AMPD3: variants seen among roughly 807,000 people sequenced by gnomAD.
AMPD3 encodes the protein adenosine monophosphate deaminase 3.
A neutral mutation model predicts 82.3 loss-of-function variants in AMPD3; 57 were observed. That is an observed-to-expected ratio of 0.69 (90% CI 0.56 to 0.86). AMPD3 has a LOEUF of 0.86. Among genes scored for constraint, AMPD3 ranks in the 40% least tolerant of loss-of-function variants. The probability of loss-of-function intolerance (pLI) is 0.00; values close to 1 mark genes in which losing one functional copy is unlikely to be tolerated. For missense variants in AMPD3, 870 were observed against 1,003.8 expected (o/e 0.87, Z 1.80); for synonymous variants, 381 against 394.7 (o/e 0.97, Z 0.41).
rs1849548845 is a variant in AMPD3, at chr11:10,500,556, C to T, written c.1721+307C>T. On this transcript the variant is annotated intron_variant, in intron 11 of 14. Coordinates refer to ENST00000396553, the MANE Select transcript of AMPD3 (RefSeq NM_001025389.2). ...GTGTCCACACATTTATATGTACACA[C>T]ACCAGGGCACACTCCACGTGTACCT... is the stretch of plus-strand genomic sequence containing the variant. 7.3e-6 allele frequency: 7 copies of T among 963,282 alleles called. No homozygotes were observed. In the South Asian group the frequency reaches 2.9e-4, roughly 40 times the overall value. The allele number at this position is 963,282 out of a possible 1,614,324, so 59.7% of individuals were successfully genotyped here.
At position 10,496,152 on chromosome 11, in the gene AMPD3, T is replaced by C. The variant is rs1849393486; in HGVS notation, c.1430+419T>C. 3.5e-6 allele frequency: 3 copies of C among 863,958 alleles called. No individual in the cohort carries two copies. In the African/African-American group the frequency reaches 5.5e-5, roughly 16 times the overall value. The allele number at this position is 863,958 out of a possible 1,614,324, so 53.5% of individuals were successfully genotyped here. On this transcript the variant is annotated intron_variant, in intron 9 of 14. Transcript: ENST00000396553. Reference sequence around the variant, plus strand: ...GGCTGGTCTTGAACTCCTGACCTCGTGATCCACCTGCCTCAGCCTCCCAAA... The same window carrying C: ...GGCTGGTCTTGAACTCCTGACCTCGCGATCCACCTGCCTCAGCCTCCCAAA...
upstream of AMPD3, among the ~76,000 whole-genome samples, chr11:10,454,902 C>A (rs1454598414): frequency 6.6e-6 from 1 of 152,260 alleles, no homozygotes; most frequent in East Asian, 1.9e-4. Flanking sequence ...TGCTTGTAGC[C>A]TGCTGGTTGC....
Position 10,505,751 on chromosome 11 carries a change from C to G in AMPD3, c.2171C>G (p.Pro724Arg). The part of the protein sequence containing the change: ...FLGQNYYKEG[P>R]EGNDIRKTNV... Reference sequence around the variant, plus strand: ...GGACAAAATTATTATAAAGAAGGACCTGAAGGAAATGATATTCGAAAGACA... The same window carrying G: ...GGACAAAATTATTATAAAGAAGGACGTGAAGGAAATGATATTCGAAAGACA... The change falls in exon 15 of 15, where the codon CCT becomes CGT. Residue 724 changes from proline to arginine, a missense_variant. Transcript: ENST00000396553. 1 of 1,614,108 alleles carries G rather than the reference C, an allele frequency of 6.2e-7. No homozygotes were observed.
rs374025716 is a variant in AMPD3, at chr11:10,482,271, G to A, written c.589+46G>A. 1.6e-4 allele frequency: 259 copies of A among 1,601,236 alleles called. 1 individual carries two copies. The highest frequency in any genetic ancestry group is 4.5e-4 in the Middle Eastern group (2 of 4,440). ...GTTGGGTCCCAAGTGTGGGCAGACC[G>A]AGAGCTAGTCAGGGCTTTTTTCTGG... is the stretch of plus-strand genomic sequence containing the variant. On this transcript the variant is annotated intron_variant, in intron 4 of 14. Coordinates refer to ENST00000396553, the MANE Select transcript of AMPD3 (RefSeq NM_001025389.2).
chr11:10,479,918 G>C (rs1029530334), intron 3 of AMPD3: 1 of 985,450 alleles, frequency 1.0e-6, no homozygotes, highest in Non-Finnish European at 1.2e-6. Context: ...TGCAGGCCTT[G>C]TCTGGAGATC....
At chr11:10,496,622 C>A in intron 9 of AMPD3, 190 bp from the exon 10 acceptor site, 1 of 1,444,358 alleles carries the variant, frequency 6.9e-7, no homozygotes, top group Non-Finnish European at 9.2e-7. Context: ...AGCTTGCAAA[C>A]CAAGGCAGAA....
rs1469047870 is a variant in AMPD3 at position 10,507,262 on chromosome 11, A to G, written c.*1378A>G. The G allele has an allele frequency of 6.6e-6, 1 of 152,124 alleles. No homozygotes were observed. Among genetic ancestry groups the G allele is most frequent in the East Asian group, 1.9e-4 (1 of 5,190 alleles). 9.4% of individuals were successfully genotyped at this position (152,124 alleles called of 1,614,324 possible). On this transcript the variant is annotated 3_prime_UTR_variant, in exon 15 of 15. Coordinates refer to ENST00000396553, the MANE Select transcript of AMPD3 (RefSeq NM_001025389.2). The stretch of plus-strand genomic sequence containing the variant: ...TTTGAATCATTATAGTTAGAAGAAG[A>G]ATCCAGTTTCTGCCTGTGAACTTAT...
chr11:10,486,427 G>A (rs1478411567), intron 5 of AMPD3, among the ~76,000 whole-genome samples: 2 of 152,184 alleles, frequency 1.3e-5, no homozygotes, highest in African/African-American at 4.8e-5. Context: ...TGTGTGGCTA[G>A]GCACCTAGGC....
At chr11:10,486,171 T>C (rs1238228413) in intron 5 of AMPD3, among the ~76,000 whole-genome samples, 2 of 152,166 alleles carry the variant, frequency 1.3e-5, no homozygotes, top group Admixed American at 1.3e-4. Flanking sequence ...GTGAGGATCC[T>C]GCCTAGGGAG....
At chr11:10,501,091 C>T (rs750473092) in intron 11 of AMPD3, 2 of 985,374 alleles carry the variant, frequency 2.0e-6, no homozygotes, top group South Asian at 4.7e-5. Context: ...ACTTCACTCT[C>T]CGGGCCTTGG....
intron 2 of AMPD3, among the ~76,000 whole-genome samples, chr11:10,465,830 T>G (rs1331626797): frequency 6.6e-6 from 1 of 151,446 alleles, no homozygotes; most frequent in Non-Finnish European, 1.5e-5. Context: ...TTTTTTTTTT[T>G]TTTTTTTTTT....
At chr11:10,453,819 C>T (rs541031152), upstream of AMPD3, among the ~76,000 whole-genome samples, 1 of 151,990 alleles carries the variant, frequency 6.6e-6, no homozygotes, top group East Asian at 1.9e-4. Context: ...AATCTCCTGA[C>T]CTTGTGATCC....
At chr11:10,495,916 C>CTT (rs35114038) in intron 9 of AMPD3, among the ~76,000 whole-genome samples, 183 bp downstream of exon 9, 87 of 133,170 alleles carry the variant, frequency 6.5e-4, no homozygotes, top group South Asian at 3.1e-3. Context: ...CACTAGAGCT[C>CTT]TTTTTTTTTT....
chr11:10,493,590 C>T (rs1264317953), intron 7 of AMPD3, 47 bp downstream of exon 7: 2 of 1,599,058 alleles, frequency 1.3e-6, no homozygotes, highest in Non-Finnish European at 1.7e-6. Flanking sequence ...GCAGCCCTGG[C>T]TGGGGACTCA....
chr11:10,471,909 A>G (rs903829341), intron 2 of AMPD3, among the ~76,000 whole-genome samples: 1 of 152,220 alleles, frequency 6.6e-6, no homozygotes, highest in African/African-American at 2.4e-5. Context: ...AGAATCTAGA[A>G]CTAGAAATAC....
At chr11:10,497,348 GC>G (rs1849439274) in intron 10 of AMPD3, among the ~76,000 whole-genome samples, 1 of 152,258 alleles carries the variant, frequency 6.6e-6, no homozygotes, top group South Asian at 2.1e-4. Flanking sequence ...CGCAACAGAG[GC>G]CCTCACACCA....
intron 2 of AMPD3, 45 bp downstream of exon 2, chr11:10,461,785 A>G (rs1482857396): frequency 6.5e-7 from 1 of 1,547,694 alleles, no homozygotes; most frequent in Non-Finnish European, 8.8e-7. Context: ...AGTCATGCAG[A>G]CCCAGGCAGG....
At chr11:10,501,623 G>GT in intron 12 of AMPD3, 33 bp downstream of exon 12, 1 of 1,614,056 alleles carries the variant, frequency 6.2e-7, no homozygotes, top group Non-Finnish European at 8.5e-7. Context: ...CCCGTCCTGA[G>GT]TGACTGCCCT....
rs750678776 is a variant in AMPD3 at position 10,505,706 on chromosome 11, A to C, written c.2128-2A>C. 6.2e-7 allele frequency: 1 copy of C among 1,613,528 alleles called. No individual in the cohort carries two copies. Among genetic ancestry groups the C allele is most frequent in the South Asian group, 1.1e-5 (1 of 91,080 alleles). ...TTCATTTGTATTTCTCTTGGTCCAC[A>C]GGAAAAGCAAAAGTTTCTGGGACAA... On this transcript the variant is annotated splice_acceptor_variant, in intron 14 of 14. Transcript: ENST00000396553. LOFTEE classifies it high-confidence loss of function.
Sources: allele counts gnomAD v4.1 joint callset (sites outside exome capture counted in the v4.1 genomes callset), GRCh38; gene constraint gnomAD v4.1.1; transcripts MANE v1.5; gene names NCBI Gene and HGNC (gene_info 2026-07-23, HGNC 2026-07-21).